PTPRT: variants seen among roughly 807,000 people sequenced by gnomAD.
The protein encoded by PTPRT is protein tyrosine phosphatase receptor type T.
A neutral mutation model predicts 176.8 loss-of-function variants in PTPRT; 56 were observed. That is an observed-to-expected ratio of 0.32 (90% CI 0.26 to 0.40). The LOEUF (loss-of-function observed/expected upper bound fraction) is 0.40. PTPRT is among the 10% of genes least tolerant of loss of function. PTPRT has a pLI of 1.00. For synonymous variants in PTPRT, 783 were observed against 739.0 expected, an observed-to-expected ratio of 1.06 and a Z score of -0.96; for missense variants, 1,540 against 1,908.2, an observed-to-expected ratio of 0.81 and a Z score of 3.60.
Position 43,087,608 on chromosome 20 carries a change from C to T in PTPRT, c.88+102038G>A, listed in dbSNP as rs188268538. The stretch of plus-strand genomic sequence containing the variant: ...CAAACTCCTGACCTCAAGTGATCTG[C>T]CTGCCTCGGCCTCCCAAAGTGCTGG... On this transcript the variant is annotated intron_variant, in intron 1 of 30. Transcript: ENST00000373187. Among the ~76,000 whole-genome samples, 149 of 152,200 alleles carry T rather than the reference C, an allele frequency of 9.8e-4. 1 individual carries two copies. In the East Asian group the frequency reaches 0.022, roughly 23 times the overall value.
chr20:42,058,087 G>C, the PTPRT span, among the ~76,000 whole-genome samples: 1 of 152,070 alleles, frequency 6.6e-6, no homozygotes, highest in Non-Finnish European at 1.5e-5. Context: ...CTGAGACAGG[G>C]GCTTCCTGTG....
rs557892424 is a variant in PTPRT at position 42,938,533 on chromosome 20, GAAGA to G, written c.89-52605_89-52602del. On this transcript the variant is annotated intron_variant, in intron 1 of 30. Transcript: ENST00000373187. ...TGAGAGAAGGAGCAGAGGCACTGAA[GAAGA>G]AAGAGTTTGGCAAGGACAGTTAAGT... Among the ~76,000 whole-genome samples the G allele has an allele frequency of 4.2e-4, 64 of 152,274 alleles. No individual in the cohort carries two copies. In the South Asian group the frequency reaches 8.5e-3, roughly 20 times the overall value.
intron 1 of PTPRT, among the ~76,000 whole-genome samples, chr20:43,071,940 C>A (rs770454172): frequency 6.6e-5 from 10 of 152,260 alleles, no homozygotes; most frequent in Non-Finnish European, 1.5e-4. Context: ...CATTGTTTTC[C>A]ATTGGTTTGC....
rs551089525 is a variant in PTPRT at position 42,540,842 on chromosome 20, G to T, written c.1154-68280C>A. On this transcript the variant is annotated intron_variant, in intron 7 of 30. Coordinates refer to ENST00000373187, the MANE Select transcript of PTPRT (RefSeq NM_007050.6). ...TGAATGTTGATCTAGCCAAAATTAG[G>T]ATATAACTTCATCGGGAGGATGGGG... Among the ~76,000 whole-genome samples the T allele has an allele frequency of 9.2e-5, 14 of 152,194 alleles. No individual in the cohort carries two copies. In the South Asian group the frequency reaches 2.5e-3, roughly 27 times the overall value.
intron 1 of PTPRT, among the ~76,000 whole-genome samples, chr20:43,147,689 G>GC (rs1249085071): frequency 6.6e-6 from 1 of 152,312 alleles, no homozygotes; most frequent in East Asian, 1.9e-4. Context: ...AAACAGCTCT[G>GC]CATCATGTTT....
chr20:42,541,844 A>G (rs2072588031), intron 7 of PTPRT, among the ~76,000 whole-genome samples: 1 of 151,556 alleles, frequency 6.6e-6, no homozygotes. Flanking sequence ...ATTTAAAATT[A>G]AAATTTTAAA....
chr20:42,953,446 C>T (rs900354649), intron 1 of PTPRT, among the ~76,000 whole-genome samples: 2 of 152,188 alleles, frequency 1.3e-5, no homozygotes, highest in Non-Finnish European at 2.9e-5. Context: ...CACTGCCATC[C>T]CTCGGTGAAT....
At chr20:42,617,855 G>A (rs2074112185) in intron 7 of PTPRT, among the ~76,000 whole-genome samples, 1 of 138,018 alleles carries the variant, frequency 7.2e-6, no homozygotes, top group Admixed American at 6.9e-5. Flanking sequence ...TCTTGATAGT[G>A]GTCTATCAAT....
At chr20:42,342,468 A>G (rs1452648887) in intron 11 of PTPRT, among the ~76,000 whole-genome samples, 1 of 152,144 alleles carries the variant, frequency 6.6e-6, no homozygotes, top group Non-Finnish European at 1.5e-5. Context: ...AGCATTCCTC[A>G]TCATCAGGTC....
At chr20:42,150,465 C>T (rs1989077774) in intron 17 of PTPRT, among the ~76,000 whole-genome samples, 1 of 152,176 alleles carries the variant, frequency 6.6e-6, no homozygotes, top group South Asian at 2.1e-4. Flanking sequence ...TCAGTCCAGC[C>T]TGCCAGGATT....
Position 42,691,647 on chromosome 20 carries a change from G to A in PTPRT, c.860-13488C>T, listed in dbSNP as rs75069273. On this transcript the variant is annotated intron_variant, in intron 6 of 30. Coordinates refer to ENST00000373187, the MANE Select transcript of PTPRT (RefSeq NM_007050.6). ...TCCAAATCCTCCCTCATTCCCCTAG[G>A]GCTGCCTCTGCCCCTGCCGTATCTT... Among the ~76,000 whole-genome samples the A allele has an allele frequency of 4.1e-3, 630 of 152,226 alleles. 2 individuals carry two copies. Among genetic ancestry groups the A allele is most frequent in the African/African-American group, 0.014 (596 of 41,536 alleles).
intron 2 of PTPRT, among the ~76,000 whole-genome samples, chr20:42,824,741 CT>C (rs570315679): frequency 6.6e-6 from 1 of 151,766 alleles, no homozygotes; most frequent in East Asian, 1.9e-4. Context: ...AGGGAAATAA[CT>C]TTTGAAGTTC....
the PTPRT span, among the ~76,000 whole-genome samples, chr20:42,052,148 A>G: frequency 1.3e-5 from 2 of 152,220 alleles, no homozygotes; most frequent in South Asian, 4.1e-4. Flanking sequence ...CTTGGCACAG[A>G]CAGACCAGGC....
chr20:42,640,942 A>G (rs1304009613), intron 7 of PTPRT, among the ~76,000 whole-genome samples: 1 of 152,160 alleles, frequency 6.6e-6, no homozygotes, highest in African/African-American at 2.4e-5. Context: ...TGTATGTTCA[A>G]TGGTGTCTCC....
intron 1 of PTPRT, among the ~76,000 whole-genome samples, chr20:43,065,126 A>G (rs62205283): frequency 0.014 from 2,179 of 152,332 alleles, 28 homozygotes; most frequent in Non-Finnish European, 0.021. Context: ...CTCCTGCCCC[A>G]AGCACACAAG....
intron 1 of PTPRT, among the ~76,000 whole-genome samples, chr20:43,095,737 GCTCTT>G (rs1453791938): frequency 1.6e-5 from 1 of 62,198 alleles, no homozygotes; most frequent in Non-Finnish European, 3.3e-5. Flanking sequence ...CTCTCTCTCT[GCTCTT>G]TTCTCCCTCT....
At chr20:42,419,117 A>G (rs1382346017) in intron 9 of PTPRT, among the ~76,000 whole-genome samples, 7 of 152,246 alleles carry the variant, frequency 4.6e-5, no homozygotes, top group Non-Finnish European at 8.8e-5. Context: ...TGTAACAGCT[A>G]CAATGAGCCT....
rs2057157232 is a variant in PTPRT, at chr20:42,282,507, C to T, written c.2158G>A (p.Val720Ile). 6.2e-6 allele frequency: 10 copies of T among 1,610,606 alleles called. No homozygotes were observed. The highest frequency in any genetic ancestry group is 8.5e-6 in the Non-Finnish European group (10 of 1,178,080). Residue 720 changes from valine (V) to isoleucine (I), a missense_variant, in exon 13 of 31, where the codon GTT becomes ATT. Physicochemically the swap from Val to Ile is conservative, Grantham distance 29. This residue lies in a region of PTPRT where 255 missense variants were observed against 250.1 expected (regional missense o/e 1.02). Transcript: ENST00000373187. ...AACATACCTTTTGTAGCCAGACGAACACAGTTGATTTTGGTCTCCTGTGAA... is the reference window on the plus strand; with the variant it reads ...AACATACCTTTTGTAGCCAGACGAATACAGTTGATTTTGGTCTCCTGTGAA... ...KANGETKINC[V>I]RLATKGASTQ...
intron 7 of PTPRT, among the ~76,000 whole-genome samples, chr20:42,529,845 A>AG (rs1258432809): frequency 5.3e-5 from 7 of 131,770 alleles, no homozygotes; most frequent in African/African-American, 1.4e-4. Context: ...AACTTGTTAG[A>AG]GGAAAAAAAA....
Sources: allele counts gnomAD v4.1 joint callset (sites outside exome capture counted in the v4.1 genomes callset), GRCh38; gene constraint gnomAD v4.1.1; regional missense constraint gnomAD v4.1.1; transcripts MANE v1.5; gene names NCBI Gene and HGNC (gene_info 2026-07-23, HGNC 2026-07-21).